The following CCDC82 variants were observed in gnomAD, a reference collection of about 807,000 sequenced individuals.
The protein encoded by CCDC82 is coiled-coil domain containing 82.
In CCDC82, 47 loss-of-function variants were observed where a neutral mutation model predicts 60.6. The ratio of observed to expected loss-of-function variants is 0.77; its 90% CI spans 0.61 to 0.99. The LOEUF is 0.99. CCDC82 is among the 50% of genes least tolerant of loss of function. CCDC82 has a pLI of 0.00. For missense variants in CCDC82, 588 were observed against 633.0 expected, an observed-to-expected ratio of 0.93 and a Z score of 0.76; for synonymous variants, 212 against 207.4, an observed-to-expected ratio of 1.02 and a Z score of -0.19.
intron 9 of CCDC82, chr11:96,357,451 TTCTTTTCC>T (rs1202236489): frequency 5.1e-6 from 5 of 985,168 alleles, no homozygotes; most frequent in South Asian, 4.7e-5. Context: ...CTAAGCTCCT[TTCTTTTCC>T]TAAGAAAAGA....
intron 5 of CCDC82, chr11:96,380,480 CTCA>C (rs1248975029): frequency 2.0e-5 from 3 of 151,672 alleles, no homozygotes; most frequent in Non-Finnish European, 4.4e-5. Context: ...AGGAAACCTC[CTCA>C]TATTTACCTA....
chr11:96,368,141 T>TA (rs1298823139), intron 7 of CCDC82, among the ~76,000 whole-genome samples: 1 of 152,114 alleles, frequency 6.6e-6, no homozygotes, highest in Non-Finnish European at 1.5e-5. Flanking sequence ...TCCTAAATAA[T>TA]AAAACTTGAA....
rs1864190009 is a variant in CCDC82, at chr11:96,353,597, G to C, written c.*49C>G. 7.8e-7 allele frequency: 1 copy of C among 1,286,276 alleles called. No individual in the cohort carries two copies. Among genetic ancestry groups the C allele is most frequent in the Non-Finnish European group, 1.1e-6 (1 of 886,278 alleles). The allele number at this position is 1,286,276 out of a possible 1,614,324, so 79.7% of individuals were successfully genotyped here. ...CATGATACAGAAAAACAAGAATCAT[G>C]ATCTTCACATTTACAGGAATTTAAA... On this transcript the variant is annotated 3_prime_UTR_variant, in exon 10 of 10. Coordinates refer to ENST00000646818, the MANE Select transcript of CCDC82 (RefSeq NM_024725.4).
At chr11:96,357,763 A>C in intron 9 of CCDC82, 1 of 985,400 alleles carries the variant, frequency 1.0e-6, no homozygotes, top group Non-Finnish European at 1.2e-6. Flanking sequence ...TTAAGAATTT[A>C]ATGTTGTCTA....
intron 7 of CCDC82, among the ~76,000 whole-genome samples, chr11:96,367,623 G>C (rs1865016360): frequency 6.6e-6 from 1 of 152,126 alleles, no homozygotes; most frequent in South Asian, 2.1e-4. Flanking sequence ...ACCCCTTCAA[G>C]TCATCCAGGA....
chr11:96,357,193 C>T (rs756070408), intron 9 of CCDC82: 9 of 985,204 alleles, frequency 9.1e-6, no homozygotes, highest in Non-Finnish European at 1.1e-5. Flanking sequence ...CATTACAGCA[C>T]AAAAAGCTGC....
intron 7 of CCDC82, among the ~76,000 whole-genome samples, chr11:96,366,898 G>A (rs1029389978): frequency 3.9e-5 from 6 of 152,108 alleles, no homozygotes; most frequent in Admixed American, 6.5e-5. Flanking sequence ...TATCAATAAC[G>A]TGTCACACAA....
Position 96,376,780 on chromosome 11 carries a change from G to C in CCDC82, c.992-3313C>G, listed in dbSNP as rs546481608. The stretch of plus-strand genomic sequence containing the variant: ...GAACTTTATTTTGGTTGCGATTGTA[G>C]ATGGAATTTTTCCTGATTATATCAT... On this transcript the variant is annotated intron_variant, in intron 5 of 9. Transcript: ENST00000646818. Among the ~76,000 whole-genome samples the C allele has an allele frequency of 2.6e-5, 4 of 152,226 alleles. No homozygotes were observed. In the East Asian group the frequency reaches 7.7e-4, roughly 29 times the overall value.
At chr11:96,380,950 T>C (rs1258234035) in intron 5 of CCDC82, 1 of 151,612 alleles carries the variant, frequency 6.6e-6, no homozygotes, top group Non-Finnish European at 1.5e-5. Context: ...TACTAAAAAA[T>C]GAGCCCTGTT....
chr11:96,357,716 G>C, intron 9 of CCDC82: 3 of 985,248 alleles, frequency 3.0e-6, no homozygotes, highest in Non-Finnish European at 3.6e-6. Flanking sequence ...AGTTCCACTA[G>C]AGGGTTGGCA....
rs780603593 is a variant in CCDC82, at chr11:96,353,609, T to C, written c.*37A>G. 2.1e-6 allele frequency: 3 copies of C among 1,415,836 alleles called. No homozygotes were observed. The highest frequency in any genetic ancestry group is 1.7e-5 in the Admixed American group (1 of 59,230). The allele number at this position is 1,415,836 out of a possible 1,614,324, so 87.7% of individuals were successfully genotyped here. ...AAACAAGAATCATGATCTTCACATT[T>C]ACAGGAATTTAAAAAATCTTCTCTG... On this transcript the variant is annotated 3_prime_UTR_variant, in exon 10 of 10. Coordinates refer to ENST00000646818, the MANE Select transcript of CCDC82 (RefSeq NM_024725.4).
rs1279214358 is a variant in CCDC82 at position 96,382,331 on chromosome 11, A to G, written c.991+938T>C. 5 of 152,038 alleles carry G rather than the reference A, an allele frequency of 3.3e-5. No homozygotes were observed. In the East Asian group the frequency reaches 9.7e-4, roughly 29 times the overall value. 9.4% of individuals were successfully genotyped at this position (152,038 alleles called of 1,614,324 possible). A position where few individuals can be genotyped will look rare whatever the true frequency, so the allele number is the denominator to read the frequency against. Reference sequence around the variant, plus strand: ...CGGTGTTTTGTCGCCAATGAAAACAATCAAGTTTTAAAGCAGAAATTAGAA... The same window carrying G: ...CGGTGTTTTGTCGCCAATGAAAACAGTCAAGTTTTAAAGCAGAAATTAGAA... On this transcript the variant is annotated intron_variant, in intron 5 of 9. Coordinates refer to ENST00000646818, the MANE Select transcript of CCDC82 (RefSeq NM_024725.4).
intron 5 of CCDC82, chr11:96,381,371 T>G (rs1865870863): frequency 6.6e-6 from 1 of 151,760 alleles, no homozygotes; most frequent in Non-Finnish European, 1.5e-5. Flanking sequence ...TCTCTATAAC[T>G]GCCAAATTTC....
intron 6 of CCDC82, 146 bp downstream of exon 6, chr11:96,373,229 T>C (rs1865379240): frequency 1.8e-6 from 1 of 564,974 alleles, no homozygotes; most frequent in Non-Finnish European, 3.2e-6. Context: ...AGTTTTGATG[T>C]AGTTGATCCT....
rs1864154910 is a variant in CCDC82, at chr11:96,352,875, T to A, written c.*771A>T. 6.6e-6 allele frequency: 1 copy of A among 152,238 alleles called. No homozygotes were observed. Among genetic ancestry groups the A allele is most frequent in the South Asian group, 2.1e-4 (1 of 4,836 alleles). 9.4% of individuals were successfully genotyped at this position (152,238 alleles called of 1,614,324 possible). On this transcript the variant is annotated 3_prime_UTR_variant, in exon 10 of 10. Coordinates refer to ENST00000646818, the MANE Select transcript of CCDC82 (RefSeq NM_024725.4). ...CTTTCCAAGTGTTTTTGGCTGAGTT[T>A]GTCTCTTTCAGCAGTTCTGACCCTA...
chr11:96,356,203 T>C (rs1010332731), intron 9 of CCDC82: 1 of 153,018 alleles, frequency 6.5e-6, no homozygotes, highest in Non-Finnish European at 1.4e-5. Context: ...GATTCTGATA[T>C]AGGTAGTTTA....
intron 5 of CCDC82, chr11:96,381,214 T>A (rs1234968066): frequency 6.6e-6 from 1 of 151,728 alleles, no homozygotes; most frequent in African/African-American, 2.4e-5. Context: ...CAGCAAATGT[T>A]CCATCACATT....
intron 7 of CCDC82, among the ~76,000 whole-genome samples, chr11:96,369,363 CT>C (rs1487660932): frequency 1.3e-5 from 2 of 152,344 alleles, no homozygotes; most frequent in Admixed American, 1.3e-4. Flanking sequence ...TTTTGACATG[CT>C]TTCCTCAAAA....
rs572509606 is a variant in CCDC82 at position 96,376,768 on chromosome 11, G to A, written c.992-3301C>T. ...TATTAGGCTTAGGAACTTTATTTTG[G>A]TTGCGATTGTAGATGGAATTTTTCC... On this transcript the variant is annotated intron_variant, in intron 5 of 9. Transcript: ENST00000646818. Among the ~76,000 whole-genome samples, 3 of 152,178 alleles carry A rather than the reference G, an allele frequency of 2.0e-5. No individual in the cohort carries two copies. In the East Asian group the frequency reaches 5.8e-4, roughly 29 times the overall value.
Sources: allele counts gnomAD v4.1 joint callset (sites outside exome capture counted in the v4.1 genomes callset), GRCh38; gene constraint gnomAD v4.1.1; transcripts MANE v1.5; gene names NCBI Gene and HGNC (gene_info 2026-07-23, HGNC 2026-07-21).